Variants in PCDHA7 observed in about 807,000 individuals in gnomAD.
PCDHA7 encodes the protein protocadherin alpha-7.
Under a neutral mutation model 57.2 loss-of-function variants are expected in PCDHA7, and 37 were observed. The ratio of observed to expected loss-of-function variants is 0.65; its 90% CI spans 0.50 to 0.85. PCDHA7 has a LOEUF of 0.85. Among genes scored for constraint, PCDHA7 ranks in the 40% least tolerant of loss-of-function variants. The pLI, the probability that PCDHA7 is intolerant of heterozygous loss-of-function variation, is 0.00. For missense variants in PCDHA7, 1,188 were observed against 1,241.8 expected (o/e 0.96, Z 0.65); for synonymous variants, 553 against 558.8 (o/e 0.99, Z 0.15).
chr5:140,987,709 T>TATG (rs1359366930), intron 3 of PCDHA7, among the ~76,000 whole-genome samples: 1 of 152,190 alleles, frequency 6.6e-6, no homozygotes, highest in Non-Finnish European at 1.5e-5. Flanking sequence ...TTTTTCCAGG[T>TATG]ATGAGTCTAT....
intron 1 of PCDHA7, chr5:140,882,507 A>G: frequency 6.2e-7 from 1 of 1,614,182 alleles, no homozygotes; most frequent in Non-Finnish European, 8.5e-7. Flanking sequence ...GTAAATCTGC[A>G]GAATGGCATT....
At chr5:140,918,897 C>A (rs1381764249) in intron 1 of PCDHA7, among the ~76,000 whole-genome samples, 1 of 152,196 alleles carries the variant, frequency 6.6e-6, no homozygotes, top group Admixed American at 6.5e-5. Context: ...AAAAATAAAT[C>A]TCTCTTGTTT....
At chr5:141,004,833 C>A (rs1421886072) in intron 3 of PCDHA7, among the ~76,000 whole-genome samples, 1 of 152,168 alleles carries the variant, frequency 6.6e-6, no homozygotes, top group Non-Finnish European at 1.5e-5. Flanking sequence ...TTAGATAGAT[C>A]AAAGTCATTA....
At chr5:140,996,947 T>C (rs1224598113) in intron 3 of PCDHA7, among the ~76,000 whole-genome samples, 2 of 152,176 alleles carry the variant, frequency 1.3e-5, no homozygotes, top group Non-Finnish European at 2.9e-5. Context: ...CATAGAAATA[T>C]TTATTTCCCT....
At chr5:141,000,395 CTA>C (rs1190667031) in intron 3 of PCDHA7, among the ~76,000 whole-genome samples, 91 of 53,954 alleles carry the variant, frequency 1.7e-3, no homozygotes, top group Admixed American at 3.8e-3. Flanking sequence ...CTCTCTCTCT[CTA>C]TATATATATA....
At chr5:140,882,369 C>T (rs1554173809) in intron 1 of PCDHA7, 1 of 1,614,222 alleles carries the variant, frequency 6.2e-7, no homozygotes, top group South Asian at 1.1e-5. Context: ...CTCCACTACT[C>T]CGTCCCCGAG....
chr5:140,865,392 A>G (rs1554159412), intron 1 of PCDHA7: 1 of 152,244 alleles, frequency 6.6e-6, no homozygotes, highest in Non-Finnish European at 1.5e-5. Context: ...TAAAGTTAAT[A>G]TAAATGCTGA....
intron 1 of PCDHA7, chr5:140,851,319 T>C (rs1340345627): frequency 7.1e-6 from 7 of 992,898 alleles, no homozygotes; most frequent in Non-Finnish European, 8.6e-6. Flanking sequence ...GTTACCTTGT[T>C]AAGTTTGTAG....
intron 1 of PCDHA7, chr5:140,856,230 G>C (rs17844339): frequency 1.3e-6 from 2 of 1,597,950 alleles, no homozygotes; most frequent in African/African-American, 1.3e-5. Flanking sequence ...CTGGTGCAGC[G>C]CCTGTTCCGG....
chr5:140,848,596 C>T (rs2150413733), intron 1 of PCDHA7: 2 of 1,594,204 alleles, frequency 1.3e-6, no homozygotes, highest in East Asian at 2.2e-5. Flanking sequence ...CTCCACTACT[C>T]CGTCCCGGAG....
chr5:140,974,577 T>C (rs2096632640), intron 1 of PCDHA7, among the ~76,000 whole-genome samples: 1 of 152,200 alleles, frequency 6.6e-6, no homozygotes, highest in South Asian at 2.1e-4. Flanking sequence ...AATGGCATGA[T>C]CTTGGCTCAC....
chr5:141,010,124 G>A lies in PCDHA7; in HGVS notation c.*187G>A. ...GGTTTTGTCGTAAAAGCTTTACTAAGTCTGGTGTTAACTCTTTCTCTCCAC... is the reference window on the plus strand; with the variant it reads ...GGTTTTGTCGTAAAAGCTTTACTAAATCTGGTGTTAACTCTTTCTCTCCAC... On this transcript the variant is annotated 3_prime_UTR_variant, in exon 4 of 4. Coordinates refer to ENST00000525929, the MANE Select transcript of PCDHA7 (RefSeq NM_018910.3). The A allele has an allele frequency of 1.2e-6, 2 of 1,605,172 alleles. No homozygotes were observed. The highest frequency in any genetic ancestry group is 1.7e-6 in the Non-Finnish European group (2 of 1,175,146).
chr5:140,960,713 ATCTTATTTTAGT>A (rs2095563566), intron 1 of PCDHA7, among the ~76,000 whole-genome samples: 3 of 150,862 alleles, frequency 2.0e-5, no homozygotes, highest in Non-Finnish European at 4.4e-5. Flanking sequence ...CCAAATACTC[ATCTTATTTTAGT>A]CCATGATTTT....
chr5:140,940,413 A>G (rs2092607327), intron 1 of PCDHA7, among the ~76,000 whole-genome samples: 1 of 152,166 alleles, frequency 6.6e-6, no homozygotes, highest in East Asian at 1.9e-4. Context: ...TTTAAAAATT[A>G]TAATTATTAC....
At chr5:140,968,150 A>G (rs1554230413) in intron 1 of PCDHA7, 2 of 1,614,180 alleles carry the variant, frequency 1.2e-6, no homozygotes, top group Admixed American at 1.7e-5. Flanking sequence ...GATCTCTGAC[A>G]TCAATGACAA....
At chr5:140,876,324 T>A in intron 1 of PCDHA7, 1 of 1,614,000 alleles carries the variant, frequency 6.2e-7, no homozygotes, top group Non-Finnish European at 8.5e-7. Context: ...TCAAAATGAT[T>A]TTGCCAGTGA....
intron 1 of PCDHA7, chr5:140,882,953 C>T: frequency 3.7e-6 from 6 of 1,614,184 alleles, no homozygotes; most frequent in East Asian, 2.2e-5. Flanking sequence ...AGTTCAGCTG[C>T]TCATCACGAT....
chr5:140,842,636 G>A, intron 1 of PCDHA7: 2 of 1,591,718 alleles, frequency 1.3e-6, no homozygotes, highest in South Asian at 1.1e-5. Flanking sequence ...GTGGGCCACC[G>A]CCAGCTTGTC....
intron 1 of PCDHA7, chr5:140,884,065 C>G (rs377441374): frequency 1.1e-5 from 17 of 1,613,346 alleles, no homozygotes; most frequent in Admixed American, 6.7e-5. Flanking sequence ...CGGTGGACGC[C>G]GATTCGGGCT....
Sources: gnomAD v4.1 joint callset for allele counts (sites outside exome capture counted in the v4.1 genomes callset) on GRCh38, gnomAD v4.1.1 for gene constraint, MANE v1.5 for transcripts, NCBI Gene and HGNC (gene_info 2026-07-23, HGNC 2026-07-21) for gene names.